Variants in GDF10 observed in about 807,000 individuals in gnomAD.
GDF10 encodes the protein growth differentiation factor 10.
Under a neutral mutation model 32.1 loss-of-function variants are expected in GDF10, and 23 were observed. The ratio of observed to expected loss-of-function variants is 0.72; its 90% confidence interval spans 0.52 to 1.02. The LOEUF is 1.02. Among genes scored for constraint, GDF10 ranks in the 50% least tolerant of loss-of-function variants. GDF10 has a pLI of 0.00. For missense variants in GDF10, 764 were observed against 673.9 expected, an observed-to-expected ratio of 1.13 and a Z score of -1.48; for synonymous variants, 328 against 303.1, an observed-to-expected ratio of 1.08 and a Z score of -0.85.
chr10:47,310,418 C>A lies in GDF10; in HGVS notation c.942C>A (p.His314Gln). ...PGLDERPPRA[H>Q]AQHFHKHQLW... ...TGGATGAGAGGCCGCCGCGCGCCCA[C>A]GCACAGCACTTCCACAAGCACCAGC... is the stretch of plus-strand genomic sequence containing the variant. Residue 314 changes from histidine to glutamine, a missense_variant, in exon 2 of 3, where the codon CAC (histidine) becomes CAA (glutamine). Physicochemically the swap from His to Gln is conservative, Grantham distance 24. Coordinates refer to ENST00000580279, the MANE Select transcript of GDF10 (RefSeq NM_004962.5). 2 of 1,612,184 alleles carry A rather than the reference C, an allele frequency of 1.2e-6. No individual in the cohort carries two copies. Among genetic ancestry groups the A allele is most frequent in the Non-Finnish European group, 1.7e-6 (2 of 1,179,666 alleles).
At chr10:47,309,756 G>A (rs1555207391) in intron 1 of GDF10, 40 bp from the exon 2 acceptor site, 1 of 1,436,214 alleles carries the variant, frequency 7.0e-7, no homozygotes, top group Admixed American at 1.7e-5. Context: ...AGGAGCACGA[G>A]CGAGAACTTC....
intron 1 of GDF10, among the ~76,000 whole-genome samples, chr10:47,302,142 G>T (rs1030822140): frequency 6.6e-6 from 1 of 152,236 alleles, no homozygotes; most frequent in Non-Finnish European, 1.5e-5. Flanking sequence ...CTTGAGGAAC[G>T]TTATTAAATT....
At position 47,312,663 on chromosome 10, in the gene GDF10, T is replaced by G; in HGVS notation, c.1308T>G (p.Pro436=). 6.2e-7 allele frequency: 1 copy of G among 1,610,034 alleles called. No homozygotes were observed. Residue 436 remains proline (P), a synonymous_variant, in exon 3 of 3, where the codon CCT becomes CCG. Coordinates refer to ENST00000580279, the MANE Select transcript of GDF10 (RefSeq NM_004962.5). ...TTGTCAGGGCTGTGGGCATCATCCC[T>G]GGCATCCCAGAGCCCTGCTGTGTTC... ...QSIVRAVGII[P]GIPEPCCVPD...
chr10:47,308,168 A>C (rs2061029875), intron 1 of GDF10, among the ~76,000 whole-genome samples: 1 of 152,160 alleles, frequency 6.6e-6, no homozygotes, highest in African/African-American at 2.4e-5. Flanking sequence ...GGAGTGAGCT[A>C]TCAGCTGCCA....
rs2060999718 is a variant in GDF10, at chr10:47,300,544, G to T, written c.-108G>T. ...TCGGTATCCAGCGCCCTGCTGCCCG[G>T]GCTCTCCCCGCGCGCCCTACTGCCG... On this transcript the variant is annotated 5_prime_UTR_variant, in exon 1 of 3. Transcript: ENST00000580279. 1 of 1,022,588 alleles carries T rather than the reference G, an allele frequency of 9.8e-7. No individual in the cohort carries two copies. Among genetic ancestry groups the T allele is most frequent in the Admixed American group, 2.9e-5 (1 of 34,974 alleles). The allele number at this position is 1,022,588 out of a possible 1,614,324, so 63.3% of individuals were successfully genotyped here.
Position 47,313,449 on chromosome 10 carries a change from C to T in GDF10, c.*657C>T, listed in dbSNP as rs782442683. On this transcript the variant is annotated 3_prime_UTR_variant, in exon 3 of 3. Coordinates refer to ENST00000580279, the MANE Select transcript of GDF10 (RefSeq NM_004962.5). ...CATATTGAAATAACACATATAGTAACGTGGGAATACTAAAAAATAACCAAG... is the reference window on the plus strand; with the variant it reads ...CATATTGAAATAACACATATAGTAATGTGGGAATACTAAAAAATAACCAAG... 3 of 152,312 alleles carry T rather than the reference C, an allele frequency of 2.0e-5. No homozygotes were observed. Among genetic ancestry groups the T allele is most frequent in the East Asian group, 1.9e-4 (1 of 5,198 alleles). The allele number at this position is 152,312 out of a possible 1,614,324, so 9.4% of individuals were successfully genotyped here. A position where few individuals can be genotyped will look rare whatever the true frequency, so the allele number is the denominator to read the frequency against.
intron 1 of GDF10, among the ~76,000 whole-genome samples, chr10:47,303,919 A>G (rs1199016157): frequency 6.6e-6 from 1 of 152,250 alleles, no homozygotes; most frequent in Non-Finnish European, 1.5e-5. Context: ...CTCAGGGAGC[A>G]CAAAGATGCC....
chr10:47,300,832 G>A lies in GDF10; in HGVS notation c.181G>A (p.Gly61Arg), dbSNP rs45506697. The change falls in exon 1 of 3, where the codon GGG becomes AGG. Residue 61 changes from glycine to arginine, a missense_variant. Coordinates refer to ENST00000580279, the MANE Select transcript of GDF10 (RefSeq NM_004962.5). ...QGDRDLQRHP[G>R]DAAATLGPSA... ...GGACAGGGATCTCCAGCGGCACCCT[G>A]GGGACGCGGCCGCCACGTTGGGCCC... 1 of 1,574,464 alleles carries A rather than the reference G, an allele frequency of 6.4e-7. No homozygotes were observed. Among genetic ancestry groups the A allele is most frequent in the South Asian group, 1.1e-5 (1 of 87,292 alleles).
chr10:47,302,340 T>C (rs899424917), intron 1 of GDF10, among the ~76,000 whole-genome samples: 2 of 152,226 alleles, frequency 1.3e-5, no homozygotes, highest in Non-Finnish European at 2.9e-5. Context: ...TAAGTGTTGA[T>C]GTACGGGATT....
chr10:47,305,396 C>G (rs1565746764), intron 1 of GDF10, among the ~76,000 whole-genome samples: 2 of 152,186 alleles, frequency 1.3e-5, no homozygotes. Flanking sequence ...GCCTGAGTCC[C>G]CACAGCTAGT....
chr10:47,312,703 T>A lies in GDF10; in HGVS notation c.1348T>A (p.Ser450Thr). The A allele has an allele frequency of 1.2e-6, 2 of 1,608,598 alleles. No individual in the cohort carries two copies. Among genetic ancestry groups the A allele is most frequent in the Non-Finnish European group, 1.7e-6 (2 of 1,176,852 alleles). Residue 450 changes from serine (S) to threonine (T), a missense_variant, in exon 3 of 3, where the codon TCC becomes ACC. Ser to Thr is a moderately conservative substitution (Grantham distance 58, BLOSUM62 1). Coordinates refer to ENST00000580279, the MANE Select transcript of GDF10 (RefSeq NM_004962.5). ...CTGCTGTGTTCCCGATAAGATGAAC[T>A]CCCTTGGGGTCCTCTTCCTGGATGA... ...EPCCVPDKMNSLGVLFLDENR... is the reference protein window; with the variant it reads ...EPCCVPDKMNTLGVLFLDENR...
At position 47,309,799 on chromosome 10, in the gene GDF10, T is replaced by C. The variant is rs1181792262; in HGVS notation, c.323T>C (p.Val108Ala). 14 of 1,602,230 alleles carry C rather than the reference T, an allele frequency of 8.7e-6. No homozygotes were observed. The highest frequency in any genetic ancestry group is 1.1e-5 in the Non-Finnish European group (13 of 1,171,394). Residue 108 changes from valine to alanine, a missense_variant, in exon 2 of 3, where the codon GTG becomes GCG. Physicochemically the swap from Val to Ala is moderately conservative, Grantham distance 64. Coordinates refer to ENST00000580279, the MANE Select transcript of GDF10 (RefSeq NM_004962.5). ...TVRSFRARLEVVDQKAVYFFN... is the reference protein window; with the variant it reads ...TVRSFRARLEAVDQKAVYFFN... ...GTGGTCTCTCCTTCCCTCACAGAAGTGGTCGACCAGAAGGCCGTGTATTTC... is the reference window on the plus strand; with the variant it reads ...GTGGTCTCTCCTTCCCTCACAGAAGCGGTCGACCAGAAGGCCGTGTATTTC...
rs1407388253 is a variant in GDF10, at chr10:47,300,803, A to C, written c.152A>C (p.Gln51Pro). The C allele has an allele frequency of 6.4e-7, 1 of 1,568,218 alleles. No individual in the cohort carries two copies. The highest frequency in any genetic ancestry group is 8.6e-7 in the Non-Finnish European group (1 of 1,163,158). The change falls in exon 1 of 3, where the codon CAG becomes CCG. Residue 51 changes from glutamine to proline, a missense_variant. Transcript: ENST00000580279. The part of the protein sequence containing the change: ...SALPAAADGL[Q>P]GDRDLQRHPG... Reference sequence around the variant, plus strand: ...CTGCCCGCGGCCGCCGACGGCCTGCAGGGGGACAGGGATCTCCAGCGGCAC... The same window carrying C: ...CTGCCCGCGGCCGCCGACGGCCTGCCGGGGGACAGGGATCTCCAGCGGCAC...
At position 47,310,496 on chromosome 10, in the gene GDF10, C is replaced by T. The variant is rs138092208; in HGVS notation, c.1020C>T (p.Arg340=). 4.5e-4 allele frequency: 732 copies of T among 1,613,792 alleles called. 4 individuals carry two copies. The African/African-American group carries it at 8.1e-3, about 18-fold the overall frequency. ...ALKPRPGRKD[R]RKKGQEVFMA... ...AACCCCGGCCAGGGCGCAAAGACCGCAGGAAGAAGGGCCAGGAGGTGTTCA... is the reference window on the plus strand; with the variant it reads ...AACCCCGGCCAGGGCGCAAAGACCGTAGGAAGAAGGGCCAGGAGGTGTTCA... Residue 340 remains arginine (R), a synonymous_variant, in exon 2 of 3, where the codon CGC becomes CGT. Transcript: ENST00000580279.
chr10:47,312,729 G>C lies in GDF10; in HGVS notation c.1374G>C (p.Glu458Asp). 1 of 1,607,116 alleles carries C rather than the reference G, an allele frequency of 6.2e-7. No individual in the cohort carries two copies. ...MNSLGVLFLD[E>D]NRNVVLKVYP... The stretch of plus-strand genomic sequence containing the variant: ...CCCTTGGGGTCCTCTTCCTGGATGA[G>C]AATCGGAATGTGGTTCTGAAGGTGT... The change falls in exon 3 of 3, where the codon GAG becomes GAC. Residue 458 changes from glutamate (E) to aspartate (D), a missense_variant. Transcript: ENST00000580279.
At chr10:47,309,721 C>T in intron 1 of GDF10, 75 bp from the exon 2 acceptor site, 1 of 975,562 alleles carries the variant, frequency 1.0e-6, no homozygotes, top group Non-Finnish European at 1.6e-6. Flanking sequence ...GCGTTTGCTC[C>T]TCCAGCCCTG....
rs947699869 is a variant in GDF10 at position 47,313,450 on chromosome 10, G to A, written c.*658G>A. On this transcript the variant is annotated 3_prime_UTR_variant, in exon 3 of 3. Coordinates refer to ENST00000580279, the MANE Select transcript of GDF10 (RefSeq NM_004962.5). ...ATATTGAAATAACACATATAGTAACGTGGGAATACTAAAAAATAACCAAGA... is the reference window on the plus strand; with the variant it reads ...ATATTGAAATAACACATATAGTAACATGGGAATACTAAAAAATAACCAAGA... 7 of 152,630 alleles carry A rather than the reference G, an allele frequency of 4.6e-5. No homozygotes were observed. The highest frequency in any genetic ancestry group is 3.9e-4 in the East Asian group (2 of 5,188). 9.5% of individuals were successfully genotyped at this position (152,630 alleles called of 1,614,324 possible).
chr10:47,301,958 G>A (rs2061006434), intron 1 of GDF10, among the ~76,000 whole-genome samples: 1 of 152,160 alleles, frequency 6.6e-6, no homozygotes. Flanking sequence ...TGTGACTCAA[G>A]GTAACATCTG....
Position 47,313,497 on chromosome 10 carries a change from A to G in GDF10, c.*705A>G, listed in dbSNP as rs2061054796. On this transcript the variant is annotated 3_prime_UTR_variant, in exon 3 of 3. Transcript: ENST00000580279. ...AAGATTTTATATTTTTGTAAATTAT[A>G]CTTTCTATACTGTAGATTGTGTATG... The G allele has an allele frequency of 6.6e-6, 1 of 152,668 alleles. No homozygotes were observed. Among genetic ancestry groups the G allele is most frequent in the Non-Finnish European group, 1.5e-5 (1 of 68,040 alleles). The allele number at this position is 152,668 out of a possible 1,614,324, so 9.5% of individuals were successfully genotyped here.
Sources: gnomAD v4.1 joint callset for allele counts (sites outside exome capture counted in the v4.1 genomes callset) on GRCh38, gnomAD v4.1.1 for gene constraint, MANE v1.5 for transcripts, NCBI Gene and HGNC (gene_info 2026-07-23, HGNC 2026-07-21) for gene names.